PTCD1: variants seen among roughly 807,000 people sequenced by gnomAD.
PTCD1 encodes the protein pentatricopeptide repeat domain 1.
In PTCD1, 50 loss-of-function variants were observed where a neutral mutation model predicts 53.4. The observed-to-expected ratio is 0.94, with a 90% CI of 0.75 to 1.19. PTCD1 has a LOEUF of 1.19. Among genes scored for constraint, PTCD1 ranks in the 50% most tolerant of loss-of-function variants. The pLI, the probability that PTCD1 is intolerant of heterozygous loss-of-function variation, is 0.00. For missense variants in PTCD1, 918 were observed against 904.8 expected (o/e 1.01, Z -0.19); for synonymous variants, 413 against 394.8 (o/e 1.05, Z -0.55).
Position 99,435,267 on chromosome 7 carries a change from G to GGACAGGAATTT in PTCD1, c.-26_-25insAAATTCCTGTC, listed in dbSNP as rs1374339863. On this transcript the variant is annotated splice_region_variant and 5_prime_UTR_variant, in exon 2 of 8. Transcript: ENST00000292478. ...TTTCTGGCTTTCCTGTCCCTCCAGG[G>GGACAGGAATTT]CCTGGAATATATCAGGAAAAATAAG... The GGACAGGAATTT allele has an allele frequency of 6.2e-6, 10 of 1,600,312 alleles. No homozygotes were observed. The South Asian group carries it at 1.1e-4, about 18-fold the overall frequency.
Position 99,429,157 on chromosome 7 carries a change from G to GA in PTCD1, c.860dup (p.Leu288ProfsTer130). On this transcript the variant is annotated frameshift_variant, in exon 5 of 8. Coordinates refer to ENST00000292478, the MANE Select transcript of PTCD1 (RefSeq NM_015545.4). LOFTEE classifies it high-confidence loss of function. ...TGTCTTGGATGCAGCCCATGAGCAG[G>GA]AAACTGAAGGTCTCCTCTGTGACCA... 6.2e-7 allele frequency: 1 copy of GA among 1,614,166 alleles called. No homozygotes were observed. The highest frequency in any genetic ancestry group is 8.5e-7 in the Non-Finnish European group (1 of 1,180,020).
Position 99,417,222 on chromosome 7 carries a change from T to G in PTCD1, c.*2745A>C. ...CAGCTGCTACCACGCCCGAGTAATT[T>G]TTGTATTTTTAGTAGAGACGGGGTT... is the stretch of plus-strand genomic sequence containing the variant. On this transcript the variant is annotated 3_prime_UTR_variant, in exon 8 of 8. Transcript: ENST00000292478. 2.1e-6 allele frequency: 1 copy of G among 481,836 alleles called. No individual in the cohort carries two copies. 29.8% of individuals were successfully genotyped at this position (481,836 alleles called of 1,614,324 possible). A position where few individuals can be genotyped will look rare whatever the true frequency, so the allele number is the denominator to read the frequency against.
In PTCD1 at chr7:99,417,437, G is replaced by T. The variant is rs769510144; in HGVS notation, c.*2530C>A. The T allele has an allele frequency of 1.2e-6, 2 of 1,613,916 alleles. No homozygotes were observed. The highest frequency in any genetic ancestry group is 1.7e-6 in the Non-Finnish European group (2 of 1,179,928). ...CCCCATCTTTTTGACAGAACTCTATGAATATTGTATTAAAGAAGGCTATGC... is the reference window on the plus strand; with the variant it reads ...CCCCATCTTTTTGACAGAACTCTATTAATATTGTATTAAAGAAGGCTATGC... On this transcript the variant is annotated 3_prime_UTR_variant, in exon 8 of 8. Coordinates refer to ENST00000292478, the MANE Select transcript of PTCD1 (RefSeq NM_015545.4).
intron 3 of PTCD1, among the ~76,000 whole-genome samples, chr7:99,431,660 G>A (rs149954053): frequency 6.6e-6 from 1 of 152,104 alleles, no homozygotes; most frequent in African/African-American, 2.4e-5. Context: ...AGAACTGCTC[G>A]AGCCCAGGAG....
intron 6 of PTCD1, among the ~76,000 whole-genome samples, chr7:99,424,552 C>T (rs777700517): frequency 1.2e-4 from 19 of 152,294 alleles, no homozygotes; most frequent in Non-Finnish European, 2.5e-4. Flanking sequence ...TGTCAACCCA[C>T]GGCCACCTTC....
intron 5 of PTCD1, among the ~76,000 whole-genome samples, chr7:99,427,353 TG>T (rs1220270298): frequency 2.7e-5 from 2 of 72,760 alleles, no homozygotes; most frequent in Non-Finnish European, 5.6e-5. Flanking sequence ...GGGAGGGAGG[TG>T]GGGGGTCAGC....
intron 5 of PTCD1, among the ~76,000 whole-genome samples, chr7:99,427,355 G>A (rs1226217036): frequency 1.3e-5 from 2 of 148,410 alleles, no homozygotes; most frequent in African/African-American, 4.9e-5. Context: ...GAGGGAGGTG[G>A]GGGGTCAGCC....
intron 5 of PTCD1, among the ~76,000 whole-genome samples, chr7:99,426,508 C>T (rs1299202692): frequency 1.3e-5 from 2 of 152,204 alleles, no homozygotes; most frequent in African/African-American, 2.4e-5. Context: ...GGTGCCCAGG[C>T]TGGAGTGCAG....
At position 99,425,162 on chromosome 7, in the gene PTCD1, G is replaced by A. The variant is rs111662245; in HGVS notation, c.1370C>T (p.Thr457Met). The change falls in exon 6 of 8, where the codon ACG becomes ATG. Residue 457 changes from threonine (T) to methionine (M), a missense_variant. Transcript: ENST00000292478. ...CAGCCGGTCAGCTGGGGTGGTCACCGTTCCAAAGGAGACCACTGTAGGGGG... is the reference window on the plus strand; with the variant it reads ...CAGCCGGTCAGCTGGGGTGGTCACCATTCCAAAGGAGACCACTGTAGGGGG... The part of the protein sequence containing the change: ...AVPPTVVSFG[T>M]VTTPADRLAL... 1,304 of 1,614,022 alleles carry A rather than the reference G, an allele frequency of 8.1e-4. 11 individuals carry two copies. The African/African-American group carries it at 0.014, about 18-fold the overall frequency.
chr7:99,433,454 T>C (rs1246118963), intron 2 of PTCD1, 36 bp from the exon 3 acceptor site: 17 of 1,613,818 alleles, frequency 1.1e-5, no homozygotes, highest in Non-Finnish European at 1.4e-5. Flanking sequence ...GGGCTCAGAA[T>C]GGCCCCAGAG....
At position 99,419,936 on chromosome 7, in the gene PTCD1, G is replaced by A. The variant is rs751181299; in HGVS notation, c.*31C>T. 5.0e-6 allele frequency: 8 copies of A among 1,613,554 alleles called. No homozygotes were observed. Among genetic ancestry groups the A allele is most frequent in the African/African-American group, 1.3e-5 (1 of 75,026 alleles). ...CCTGGGGCTCCCACAGAGCACTGGG[G>A]GCCGAGCACATTGTTCCAGCTGTGC... On this transcript the variant is annotated 3_prime_UTR_variant, in exon 8 of 8. Coordinates refer to ENST00000292478, the MANE Select transcript of PTCD1 (RefSeq NM_015545.4).
At chr7:99,427,004 G>T (rs934796931) in intron 5 of PTCD1, among the ~76,000 whole-genome samples, 20 of 151,774 alleles carry the variant, frequency 1.3e-4, no homozygotes, top group Non-Finnish European at 2.4e-4. Context: ...GAGAAGTGAG[G>T]AGCCCCTCCG....
Position 99,429,663 on chromosome 7 carries a change from G to A in PTCD1, c.738C>T (p.Asn246=). Residue 246 remains asparagine (N), a synonymous_variant, in exon 4 of 8, where the codon AAC becomes AAT. Transcript: ENST00000292478. ...QQLQAKNFEL[N]LKTYHALLKM... ...TCAGCAGCGCGTGGTATGTTTTCAA[G>A]TTGAGCTCGAAGTTTTTGGCCTGCA... is the stretch of plus-strand genomic sequence containing the variant. The A allele has an allele frequency of 1.9e-6, 3 of 1,614,228 alleles. No homozygotes were observed. The highest frequency in any genetic ancestry group is 3.3e-4 in the Middle Eastern group (2 of 6,062).
At chr7:99,436,581 C>G (rs1317536966) in intron 1 of PTCD1, among the ~76,000 whole-genome samples, 1 of 152,172 alleles carries the variant, frequency 6.6e-6, no homozygotes, top group Non-Finnish European at 1.5e-5. Context: ...CGCCATTGCA[C>G]TCCAGCCTGA....
chr7:99,419,877 T>TC lies in PTCD1; in HGVS notation c.*89dup. 6.3e-7 allele frequency: 1 copy of TC among 1,596,146 alleles called. No individual in the cohort carries two copies. Reference sequence around the variant, plus strand: ...CGGCTGTTCCTCAGGGCCTGGCTCTTCCCCCAGGCAGGAGGTGACACCAGC... The same window carrying TC: ...CGGCTGTTCCTCAGGGCCTGGCTCTTCCCCCCAGGCAGGAGGTGACACCAGC... On this transcript the variant is annotated 3_prime_UTR_variant, in exon 8 of 8. Transcript: ENST00000292478.
intron 5 of PTCD1, among the ~76,000 whole-genome samples, chr7:99,426,525 G>C (rs1277098344): frequency 3.3e-5 from 5 of 152,174 alleles, no homozygotes; most frequent in Admixed American, 6.5e-5. Flanking sequence ...GCAGTGGCGT[G>C]ATCTCGGCTC....
At chr7:99,428,196 G>A (rs1000426419) in intron 5 of PTCD1, among the ~76,000 whole-genome samples, 1 of 151,758 alleles carries the variant, frequency 6.6e-6, no homozygotes, top group Admixed American at 6.6e-5. Context: ...GTAGGAGAGC[G>A]AGACCATCCA....
Position 99,417,293 on chromosome 7 carries a change from T to G in PTCD1, c.*2674A>C. 1 of 799,930 alleles carries G rather than the reference T, an allele frequency of 1.3e-6. No individual in the cohort carries two copies. Among genetic ancestry groups the G allele is most frequent in the Non-Finnish European group, 2.0e-6 (1 of 488,750 alleles). 49.6% of individuals were successfully genotyped at this position (799,930 alleles called of 1,614,324 possible). ...GTCCTGAACTCCTGACCTCAGGTGA[T>G]CCGCCTGCCTCGGCCTCCCAAAGTG... is the stretch of plus-strand genomic sequence containing the variant. On this transcript the variant is annotated 3_prime_UTR_variant, in exon 8 of 8. Transcript: ENST00000292478.
rs777646870 is a variant in PTCD1, at chr7:99,424,917, C to G, written c.1615G>C (p.Ala539Pro). Residue 539 changes from alanine to proline, a missense_variant, in exon 6 of 8, where the codon GCC becomes CCC. Ala to Pro is a conservative substitution (Grantham distance 27). Coordinates refer to ENST00000292478, the MANE Select transcript of PTCD1 (RefSeq NM_015545.4). ...KKSKLGDLEG[A>P]KALLPVLAKR... ...GCCAGGACCGGCAACAGCGCCTTGG[C>G]CCCCTCCAGGTCTCCCAGCTTGCTC... The G allele has an allele frequency of 1.2e-6, 2 of 1,614,244 alleles. No individual in the cohort carries two copies. Among genetic ancestry groups the G allele is most frequent in the Admixed American group, 3.3e-5 (2 of 60,034 alleles).
Sources: allele counts gnomAD v4.1 joint callset (sites outside exome capture counted in the v4.1 genomes callset), GRCh38; gene constraint gnomAD v4.1.1; transcripts MANE v1.5; gene names NCBI Gene and HGNC (gene_info 2026-07-23, HGNC 2026-07-21).